Variants in CYB5R4 observed in about 807,000 individuals in gnomAD.
CYB5R4 encodes the protein cytochrome b5 reductase 4.
In CYB5R4, 55 loss-of-function variants were observed where a neutral mutation model predicts 70.2. That is an observed-to-expected ratio of 0.78 (90% CI 0.63 to 0.98). The LOEUF (loss-of-function observed/expected upper bound fraction) is 0.98. Ranked by LOEUF, CYB5R4 falls within the 50% of genes least tolerant of loss-of-function variation. The probability of loss-of-function intolerance (pLI) is 0.00; values close to 1 mark genes in which losing one functional copy is unlikely to be tolerated. For missense variants in CYB5R4, 562 were observed against 612.6 expected (o/e 0.92, Z 0.87); for synonymous variants, 197 against 199.5 (o/e 0.99, Z 0.11).
chr6:83,956,922 A>G (rs981073021), intron 15 of CYB5R4, among the ~76,000 whole-genome samples: 7 of 151,722 alleles, frequency 4.6e-5, no homozygotes, highest in African/African-American at 1.2e-4. Context: ...AAAAAAAATC[A>G]GAGTTTAGTC....
At chr6:83,896,210 A>G (rs2099461868) in intron 3 of CYB5R4, among the ~76,000 whole-genome samples, 1 of 152,038 alleles carries the variant, frequency 6.6e-6, no homozygotes, top group South Asian at 2.1e-4. Flanking sequence ...CACTGTAGCC[A>G]TATTATTTTA....
At chr6:83,948,568 T>C (rs2099471017) in intron 14 of CYB5R4, among the ~76,000 whole-genome samples, 1 of 152,178 alleles carries the variant, frequency 6.6e-6, no homozygotes, top group South Asian at 2.1e-4. Flanking sequence ...TTTAGAAAAG[T>C]ATTTCTGATG....
At position 83,964,506 on chromosome 6, in the gene CYB5R4, A is replaced by G. The variant is rs2129147525; in HGVS notation, c.*4628A>G. ...GGAAGAAATTTCTAAGCAGCAAAGC[A>G]TTCAAGAGGTGACTCAAGTGTTGTT... On this transcript the variant is annotated 3_prime_UTR_variant, in exon 16 of 16. Coordinates refer to ENST00000369681, the MANE Select transcript of CYB5R4 (RefSeq NM_016230.4). The G allele has an allele frequency of 1.3e-5, 2 of 152,830 alleles. 1 individual carries two copies. Among genetic ancestry groups the G allele is most frequent in the Admixed American group, 1.3e-4 (2 of 15,314 alleles). 9.5% of individuals were successfully genotyped at this position (152,830 alleles called of 1,614,324 possible).
chr6:83,898,420 T>C (rs2099462289), intron 3 of CYB5R4, among the ~76,000 whole-genome samples: 1 of 152,196 alleles, frequency 6.6e-6, no homozygotes, highest in African/African-American at 2.4e-5. Context: ...TTTGTTCTTT[T>C]GGCTTAGGAT....
chr6:83,938,104 T>C (rs993427817), intron 12 of CYB5R4, among the ~76,000 whole-genome samples: 2 of 152,226 alleles, frequency 1.3e-5, no homozygotes, highest in Admixed American at 6.5e-5. Flanking sequence ...ATAATAGATA[T>C]GATTAGTCAT....
chr6:83,893,415 T>G, intron 2 of CYB5R4, 107 bp from the exon 3 acceptor site: 1 of 643,758 alleles, frequency 1.6e-6, no homozygotes, highest in South Asian at 2.1e-5. Context: ...TAACAGTGAT[T>G]AATTAAATGG....
At chr6:83,874,142 TC>T (rs2099458130) in intron 2 of CYB5R4, among the ~76,000 whole-genome samples, 1 of 21,048 alleles carries the variant, frequency 4.8e-5, no homozygotes, top group African/African-American at 3.5e-4. Context: ...TCCCCTCCCT[TC>T]CCCTCCCCTC....
chr6:83,965,363 C>A lies in CYB5R4; in HGVS notation c.*5485C>A, dbSNP rs556447307. 1.3e-5 allele frequency: 2 copies of A among 152,358 alleles called. No homozygotes were observed. Among genetic ancestry groups the A allele is most frequent in the East Asian group, 3.9e-4 (2 of 5,184 alleles). The allele number at this position is 152,358 out of a possible 1,614,324, so 9.4% of individuals were successfully genotyped here. A position where few individuals can be genotyped will look rare whatever the true frequency, so the allele number is the denominator to read the frequency against. On this transcript the variant is annotated 3_prime_UTR_variant, in exon 16 of 16. Transcript: ENST00000369681. ...GCATCAGCGTGACCTGGATGTGAGA[C>A]CTGGAGTAAAAGGAGATCATTTTGG...
chr6:83,934,518 A>G, intron 10 of CYB5R4, 77 bp from the exon 11 acceptor site: 2 of 1,036,762 alleles, frequency 1.9e-6, no homozygotes, highest in Middle Eastern at 2.2e-4. Flanking sequence ...GAAGCTGAGT[A>G]TATGCTTTCT....
At chr6:83,870,329 C>T (rs1022955885) in intron 2 of CYB5R4, among the ~76,000 whole-genome samples, 12 of 152,110 alleles carry the variant, frequency 7.9e-5, no homozygotes, top group African/African-American at 2.7e-4. Flanking sequence ...ACAAGGATAA[C>T]CAACTATATT....
At chr6:83,864,551 T>A (rs1485067149) in intron 2 of CYB5R4, among the ~76,000 whole-genome samples, 1 of 152,156 alleles carries the variant, frequency 6.6e-6, no homozygotes, top group Non-Finnish European at 1.5e-5. Context: ...TACGAAAAAG[T>A]TTTTCTTGCT....
chr6:83,860,877 A>G (rs1305424430), intron 1 of CYB5R4, among the ~76,000 whole-genome samples: 2 of 152,202 alleles, frequency 1.3e-5, no homozygotes, highest in Non-Finnish European at 2.9e-5. Context: ...AATTTTCACA[A>G]TTATCCTTTG....
intron 9 of CYB5R4, 87 bp downstream of exon 9, chr6:83,922,557 G>C (rs1013257781): frequency 4.5e-6 from 4 of 892,552 alleles, no homozygotes; most frequent in Non-Finnish European, 7.2e-6. Flanking sequence ...TGAAAAATTA[G>C]CATTTGTTTT....
chr6:83,914,677 A>G (rs538649238), intron 5 of CYB5R4, among the ~76,000 whole-genome samples: 1 of 151,884 alleles, frequency 6.6e-6, no homozygotes, highest in East Asian at 1.9e-4. Context: ...AGCTGGTATT[A>G]CAGGTGCACA....
intron 4 of CYB5R4, among the ~76,000 whole-genome samples, chr6:83,909,839 A>G (rs910367901): frequency 1.3e-5 from 2 of 152,184 alleles, no homozygotes; most frequent in African/African-American, 4.8e-5. Context: ...ACGAAAGTAA[A>G]TGCTACTGGC....
At chr6:83,907,136 G>A (rs1260842305) in intron 3 of CYB5R4, among the ~76,000 whole-genome samples, 2 of 151,968 alleles carry the variant, frequency 1.3e-5, no homozygotes, top group Non-Finnish European at 2.9e-5. Flanking sequence ...GGAATGTAGT[G>A]GCATGATCAG....
rs188929962 is a variant in CYB5R4 at position 83,922,309 on chromosome 6, T to C, written c.659-129T>C. 7 of 575,912 alleles carry C rather than the reference T, an allele frequency of 1.2e-5. No homozygotes were observed. The Admixed American group carries it at 2.2e-4, about 18-fold the overall frequency. 35.7% of individuals were successfully genotyped at this position (575,912 alleles called of 1,614,324 possible). A position where few individuals can be genotyped will look rare whatever the true frequency, so the allele number is the denominator to read the frequency against. ...TTTTGATTGTGTAAAATTGTTTTGG[T>C]CTTTCAGAACACGTTTTGTCTTGAG... On this transcript the variant is annotated intron_variant, in intron 8 of 15. Coordinates refer to ENST00000369681, the MANE Select transcript of CYB5R4 (RefSeq NM_016230.4).
intron 1 of CYB5R4, 86 bp downstream of exon 1, chr6:83,859,943 T>C (rs1210297034): frequency 7.9e-7 from 1 of 1,258,598 alleles, no homozygotes; most frequent in Non-Finnish European, 1.1e-6. Flanking sequence ...AACTCCCAGC[T>C]CCTGCACCCC....
intron 3 of CYB5R4, among the ~76,000 whole-genome samples, chr6:83,902,912 T>G (rs1244005383): frequency 6.6e-6 from 1 of 152,164 alleles, no homozygotes; most frequent in Non-Finnish European, 1.5e-5. Context: ...GTTTATCAGC[T>G]CTAAGGTATT....
Sources: gnomAD v4.1 joint callset for allele counts (sites outside exome capture counted in the v4.1 genomes callset) on GRCh38, gnomAD v4.1.1 for gene constraint, MANE v1.5 for transcripts, NCBI Gene and HGNC (gene_info 2026-07-23, HGNC 2026-07-21) for gene names.